The following RND3 variants were observed in gnomAD, a reference collection of about 807,000 sequenced individuals.
RND3 encodes the protein Rho family GTPase 3.
RND3 carries 8 observed loss-of-function variants against 26.5 expected under a neutral mutation model. That is an observed-to-expected ratio of 0.30 (90% CI 0.18 to 0.54). The LOEUF (loss-of-function observed/expected upper bound fraction) is 0.54, where lower values mean the gene tolerates loss of function less well. RND3 is among the 20% of genes least tolerant of loss of function. The pLI, the probability that RND3 is intolerant of heterozygous loss-of-function variation, is 0.94. For synonymous variants in RND3, 113 were observed against 113.0 expected (o/e 1.00, Z 0.00); for missense variants, 207 against 302.8 (o/e 0.68, Z 2.35).
At chr2:150,479,392 T>C (rs976025017) in intron 3 of RND3, among the ~76,000 whole-genome samples, 1 of 152,206 alleles carries the variant, frequency 6.6e-6, no homozygotes, top group Non-Finnish European at 1.5e-5. Context: ...TTTTGCAAAG[T>C]ACCAGTTTAA....
rs1457466976 is a variant in RND3, at chr2:150,487,473, AAATAT to A, written c.-38-23_-38-19del. On this transcript the variant is annotated intron_variant, in intron 1 of 5. Transcript: ENST00000263895. ...AATTTTCTCTTAAGAAGAAAAAAAA[AAATAT>A]ATATATATATATATATTTCTCTCTT... is the stretch of plus-strand genomic sequence containing the variant. 2.2e-5 allele frequency: 8 copies of A among 362,916 alleles called. No homozygotes were observed. The highest frequency in any genetic ancestry group is 5.5e-5 in the African/African-American group (2 of 36,378). The allele number at this position is 362,916 out of a possible 1,614,324, so 22.5% of individuals were successfully genotyped here. A position where few individuals can be genotyped will look rare whatever the true frequency, so the allele number is the denominator to read the frequency against.
chr2:150,483,500 T>G (rs1485790046), intron 3 of RND3, among the ~76,000 whole-genome samples: 1 of 152,158 alleles, frequency 6.6e-6, no homozygotes, highest in African/African-American at 2.4e-5. Flanking sequence ...TTCTCCAGAG[T>G]TATATTGATG....
chr2:150,481,979 T>C (rs967965489), intron 3 of RND3, among the ~76,000 whole-genome samples: 3 of 152,212 alleles, frequency 2.0e-5, no homozygotes, highest in Non-Finnish European at 4.4e-5. Flanking sequence ...AAGATATTTT[T>C]CCTCTCTTTT....
chr2:150,484,013 T>C (rs1208175830), intron 3 of RND3, among the ~76,000 whole-genome samples: 6 of 152,204 alleles, frequency 3.9e-5, no homozygotes, highest in Non-Finnish European at 8.8e-5. Context: ...AAAAGACAAG[T>C]GATTATTTCA....
rs538756041 is a variant in RND3 at position 150,469,794 on chromosome 2, A to G, written c.*193T>C. ...GTCACACTTAAAAACTCTTCCATGT[A>G]TTCACTTCTCATCACTTGGTCTACA... On this transcript the variant is annotated 3_prime_UTR_variant, in exon 6 of 6. Transcript: ENST00000263895. 5.4e-5 allele frequency: 32 copies of G among 594,034 alleles called. No homozygotes were observed. The South Asian group carries it at 6.2e-4, about 12-fold the overall frequency. 36.8% of individuals were successfully genotyped at this position (594,034 alleles called of 1,614,324 possible). A position where few individuals can be genotyped will look rare whatever the true frequency, so the allele number is the denominator to read the frequency against.
At chr2:150,484,639 T>C (rs1483019497) in intron 3 of RND3, among the ~76,000 whole-genome samples, 4 of 151,978 alleles carry the variant, frequency 2.6e-5, no homozygotes, top group African/African-American at 7.3e-5. Context: ...CCAACCAACA[T>C]CCTGGGAAAC....
In RND3 at chr2:150,486,590, G is replaced by T; in HGVS notation, c.238+104C>A. On this transcript the variant is annotated intron_variant, in intron 3 of 5. Coordinates refer to ENST00000263895, the MANE Select transcript of RND3 (RefSeq NM_005168.5). This position sits in a 1 kb window ranked among gnomAD's most constrained non-coding sequence, Gnocchi z 4.5. ...AACAGGGACCGTGGGAATCCCTTGGGAGGGGCGCAGACGGCTTGTAGCGCG... is the reference window on the plus strand; with the variant it reads ...AACAGGGACCGTGGGAATCCCTTGGTAGGGGCGCAGACGGCTTGTAGCGCG... 1.2e-6 allele frequency: 1 copy of T among 843,174 alleles called. No homozygotes were observed. Among genetic ancestry groups the T allele is most frequent in the African/African-American group, 1.7e-5 (1 of 60,322 alleles). 52.2% of individuals were successfully genotyped at this position (843,174 alleles called of 1,614,324 possible).
intron 3 of RND3, among the ~76,000 whole-genome samples, chr2:150,485,084 C>A (rs941861792): frequency 2.0e-5 from 3 of 152,170 alleles, no homozygotes; most frequent in African/African-American, 7.2e-5. Context: ...TTCTGTCTAC[C>A]AACACCTTCT....
At chr2:150,475,729 T>C (rs995678347) in intron 3 of RND3, among the ~76,000 whole-genome samples, 3 of 152,186 alleles carry the variant, frequency 2.0e-5, no homozygotes, top group Non-Finnish European at 4.4e-5. Context: ...CCTATATAGA[T>C]TTTCTTCCTG....
intron 4 of RND3, 108 bp downstream of exon 4, chr2:150,474,767 A>G: frequency 1.8e-6 from 1 of 564,556 alleles, no homozygotes. Context: ...TTAATTACAA[A>G]TTGTAAGGCA....
intron 3 of RND3, among the ~76,000 whole-genome samples, chr2:150,476,644 G>A (rs1393598801): frequency 1.3e-5 from 2 of 152,210 alleles, no homozygotes; most frequent in African/African-American, 4.8e-5. Context: ...GCTGACAGCT[G>A]AAAGATATTT....
At position 150,487,474 on chromosome 2, in the gene RND3, A is replaced by AAAATATAT; in HGVS notation, c.-38-20_-38-19insATATATTT. On this transcript the variant is annotated intron_variant, in intron 1 of 5. Transcript: ENST00000263895. ...ATTTTCTCTTAAGAAGAAAAAAAAAAATATATATATATATATATATTTCTC... is the reference window on the plus strand; with the variant it reads ...ATTTTCTCTTAAGAAGAAAAAAAAAAAAATATATATATATATATATATATATATTTCTC... 86 of 200,792 alleles carry AAAATATAT rather than the reference A, an allele frequency of 4.3e-4. No homozygotes were observed. Among genetic ancestry groups the AAAATATAT allele is most frequent in the African/African-American group, 2.0e-3 (73 of 36,648 alleles). The allele number at this position is 200,792 out of a possible 1,614,324, so 12.4% of individuals were successfully genotyped here. A position where few individuals can be genotyped will look rare whatever the true frequency, so the allele number is the denominator to read the frequency against.
intron 4 of RND3, among the ~76,000 whole-genome samples, chr2:150,474,025 G>T (rs1467719642): frequency 1.3e-5 from 2 of 152,168 alleles, no homozygotes; most frequent in African/African-American, 4.8e-5. Flanking sequence ...ACAGCACACA[G>T]GCCAGGGCTG....
In RND3 at chr2:150,469,908, T is replaced by C; in HGVS notation, c.*79A>G. 1 of 1,544,712 alleles carries C rather than the reference T, an allele frequency of 6.5e-7. No individual in the cohort carries two copies. Among genetic ancestry groups the C allele is most frequent in the Non-Finnish European group, 8.8e-7 (1 of 1,132,050 alleles). ...GGTATACATGACTTTGGCTGTGCAC[T>C]TCATTTAGACTTCACCTTTTTGTTT... On this transcript the variant is annotated 3_prime_UTR_variant, in exon 6 of 6. Coordinates refer to ENST00000263895, the MANE Select transcript of RND3 (RefSeq NM_005168.5).
rs539721820 is a variant in RND3 at position 150,468,271 on chromosome 2, CCAAA to C, written c.*1712_*1715del. 26 of 152,428 alleles carry C rather than the reference CCAAA, an allele frequency of 1.7e-4. No individual in the cohort carries two copies. The highest frequency in any genetic ancestry group is 3.4e-3 in the Middle Eastern group (1 of 292). 9.4% of individuals were successfully genotyped at this position (152,428 alleles called of 1,614,324 possible). Reference sequence around the variant, plus strand: ...TTAATAAATACTGCGGAAACATTGACCAAACAAACATACACAGTGACTTCAACAG... The same window carrying C: ...TTAATAAATACTGCGGAAACATTGACCAAACATACACAGTGACTTCAACAG... On this transcript the variant is annotated 3_prime_UTR_variant, in exon 6 of 6. Transcript: ENST00000263895.
At chr2:150,470,783 C>A (rs764537782) in intron 5 of RND3, among the ~76,000 whole-genome samples, 2 of 152,108 alleles carry the variant, frequency 1.3e-5, no homozygotes, top group Non-Finnish European at 2.9e-5. Flanking sequence ...CCTGTTCCAG[C>A]GCCTCATGGT....
intron 2 of RND3, 131 bp downstream of exon 2, chr2:150,487,137 G>C (rs1686386812): frequency 5.2e-6 from 4 of 768,378 alleles, no homozygotes; most frequent in African/African-American, 1.8e-5. Context: ...AAGTAGTAAG[G>C]ACCGAGAAAG....
chr2:150,469,875 A>G lies in RND3; in HGVS notation c.*112T>C. ...ATGAGTATCCTCTCAAACGCCTCCT[A>G]AGCCTCTGGTATACATGACTTTGGC... On this transcript the variant is annotated 3_prime_UTR_variant, in exon 6 of 6. Transcript: ENST00000263895. The G allele has an allele frequency of 7.9e-7, 1 of 1,272,774 alleles. No individual in the cohort carries two copies. Among genetic ancestry groups the G allele is most frequent in the African/African-American group, 1.5e-5 (1 of 66,824 alleles). 78.8% of individuals were successfully genotyped at this position (1,272,774 alleles called of 1,614,324 possible). A position where few individuals can be genotyped will look rare whatever the true frequency, so the allele number is the denominator to read the frequency against.
chr2:150,481,604 C>G (rs1019703246), intron 3 of RND3, among the ~76,000 whole-genome samples: 10 of 152,132 alleles, frequency 6.6e-5, no homozygotes, highest in African/African-American at 2.4e-4. Context: ...TCACCCAGCT[C>G]TGTACTCCTC....
Sources: gnomAD v4.1 joint callset for allele counts (sites outside exome capture counted in the v4.1 genomes callset) on GRCh38, gnomAD v4.1.1 for gene constraint, Gnocchi (gnomAD v3.1) non-coding constraint, MANE v1.5 for transcripts, NCBI Gene and HGNC (gene_info 2026-07-23, HGNC 2026-07-21) for gene names.